SPIRE2: variants seen among roughly 807,000 people sequenced by gnomAD.
SPIRE2 encodes the protein protein spire homolog 2.
SPIRE2 carries 76 observed loss-of-function variants against 80.7 expected under a neutral mutation model. That is an observed-to-expected ratio of 0.94 (90% CI 0.78 to 1.14). The LOEUF is 1.14. SPIRE2 is among the 50% of genes most tolerant of loss of function. SPIRE2 has a pLI of 0.00. For synonymous variants in SPIRE2, 535 were observed against 432.6 expected (o/e 1.24, Z -2.94); for missense variants, 1,196 against 1,015.3 (o/e 1.18, Z -2.42).
intron 1 of SPIRE2, among the ~76,000 whole-genome samples, chr16:89,843,824 C>T (rs1386036197): frequency 8.5e-6 from 1 of 117,618 alleles, no homozygotes; most frequent in Non-Finnish European, 1.8e-5. Context: ...CTCAGTCTCC[C>T]GAGTAGCTAG....
At chr16:89,837,388 C>T (rs1188074398) in intron 1 of SPIRE2, among the ~76,000 whole-genome samples, 1 of 152,202 alleles carries the variant, frequency 6.6e-6, no homozygotes, top group East Asian at 1.9e-4. Flanking sequence ...GTCAGTTCCT[C>T]ACCCTCTCTG....
At chr16:89,844,832 C>T (rs763744267) in intron 1 of SPIRE2, among the ~76,000 whole-genome samples, 35 of 152,338 alleles carry the variant, frequency 2.3e-4, no homozygotes, top group Non-Finnish European at 2.2e-4. Context: ...GCTCTCCCAC[C>T]TCGGCATCTC....
chr16:89,828,637 G>A lies in SPIRE2; in HGVS notation c.87G>A (p.Lys29=). The A allele has an allele frequency of 7.4e-7, 1 of 1,354,622 alleles. No individual in the cohort carries two copies. The highest frequency in any genetic ancestry group is 9.6e-7 in the Non-Finnish European group (1 of 1,042,774). 83.9% of individuals were successfully genotyped at this position (1,354,622 alleles called of 1,614,324 possible). A position where few individuals can be genotyped will look rare whatever the true frequency, so the allele number is the denominator to read the frequency against. The change falls in exon 1 of 15, where the codon AAG becomes AAA. Residue 29 remains lysine, a synonymous_variant. Coordinates refer to ENST00000378247, the MANE Select transcript of SPIRE2 (RefSeq NM_032451.2). The surrounding 1 kb of genome is among the most constrained non-coding windows in gnomAD (Gnocchi z 5.9). The part of the protein sequence containing the change: ...PWELSLEEVL[K]AYEQPLNEEQ... ...AGCTGTCCCTGGAGGAGGTGCTGAA[G>A]GCCTACGAGCAGCCGCTCAACGAGG...
At chr16:89,861,659 A>G (rs970359991) in intron 10 of SPIRE2, among the ~76,000 whole-genome samples, 2 of 152,214 alleles carry the variant, frequency 1.3e-5, no homozygotes, top group Non-Finnish European at 2.9e-5. Context: ...CTGTGTGGCC[A>G]TGGCTCAGGG....
chr16:89,846,247 C>G (rs2041558460), intron 2 of SPIRE2: 1 of 151,926 alleles, frequency 6.6e-6, no homozygotes, highest in Non-Finnish European at 1.5e-5. Flanking sequence ...GGACTAGTCT[C>G]AAACTCCTGG....
chr16:89,838,815 T>G (rs1213672980), intron 1 of SPIRE2, among the ~76,000 whole-genome samples: 1 of 152,124 alleles, frequency 6.6e-6, no homozygotes. Flanking sequence ...ACTCAGGGGC[T>G]CCCCTCTCTT....
Position 89,870,278 on chromosome 16 carries a change from C to T in SPIRE2, c.*6C>T. On this transcript the variant is annotated 3_prime_UTR_variant, in exon 15 of 15. Transcript: ENST00000378247. ...GGACTCTTGACTTCAAGTGACAGCCCCAGGTGGCCAGGCCTCCAGGAGGCA... is the reference window on the plus strand; with the variant it reads ...GGACTCTTGACTTCAAGTGACAGCCTCAGGTGGCCAGGCCTCCAGGAGGCA... 1 of 1,577,628 alleles carries T rather than the reference C, an allele frequency of 6.3e-7. No individual in the cohort carries two copies.
Position 89,863,944 on chromosome 16 carries a change from G to A in SPIRE2, c.1778+83G>A, listed in dbSNP as rs2041767078. On this transcript the variant is annotated intron_variant, in intron 12 of 14. Transcript: ENST00000378247. The surrounding 1 kb of genome is among the most constrained non-coding windows in gnomAD (Gnocchi z 4.3). Reference sequence around the variant, plus strand: ...GGCAGTACCGCCCACAGAACTTCCTGTGATTCCAGGAATGTTCTAGCATGT... The same window carrying A: ...GGCAGTACCGCCCACAGAACTTCCTATGATTCCAGGAATGTTCTAGCATGT... 6 of 1,022,440 alleles carry A rather than the reference G, an allele frequency of 5.9e-6. No individual in the cohort carries two copies. The East Asian group carries it at 1.4e-4, about 24-fold the overall frequency. 63.3% of individuals were successfully genotyped at this position (1,022,440 alleles called of 1,614,324 possible).
chr16:89,869,053 A>AAAAAAAAAAAATATATATATATATAT, intron 13 of SPIRE2, among the ~76,000 whole-genome samples: 1 of 24,030 alleles, frequency 4.2e-5, no homozygotes, highest in African/African-American at 1.6e-4. Context: ...AAAAAAAAAA[A>AAAAAAAAAAAATATATATATATATAT]ATATATATAT....
intron 2 of SPIRE2, chr16:89,845,861 TTTTC>T (rs1041986189): frequency 2.0e-4 from 105 of 526,824 alleles, no homozygotes; most frequent in African/African-American, 1.5e-3. Flanking sequence ...GCCTTTTTAG[TTTTC>T]TTTCTTTGTT....
Position 89,828,554 on chromosome 16 carries a change from G to T in SPIRE2, c.4G>T (p.Ala2Ser). The change falls in exon 1 of 15, where the codon GCC becomes TCC. Residue 2 changes from alanine (A) to serine (S), a missense_variant. By Grantham distance (99) the Ala-to-Ser change is moderately conservative. Transcript: ENST00000378247. The surrounding 1 kb of genome is among the most constrained non-coding windows in gnomAD (Gnocchi z 5.9). M[A>S]RAGSCGGAAA... ...GGGAGGCGATGACGGCCCCGCCATGGCCCGGGCGGGCAGCTGCGGCGGCGC... is the reference window on the plus strand; with the variant it reads ...GGGAGGCGATGACGGCCCCGCCATGTCCCGGGCGGGCAGCTGCGGCGGCGC... 1 of 1,123,898 alleles carries T rather than the reference G, an allele frequency of 8.9e-7. No homozygotes were observed. The highest frequency in any genetic ancestry group is 5.0e-5 in the East Asian group (1 of 19,866). 69.6% of individuals were successfully genotyped at this position (1,123,898 alleles called of 1,614,324 possible).
intron 12 of SPIRE2, among the ~76,000 whole-genome samples, chr16:89,866,019 C>T (rs1233265396): frequency 6.8e-6 from 1 of 146,352 alleles, no homozygotes; most frequent in Non-Finnish European, 1.5e-5. Context: ...TATGGTAGCT[C>T]ATGCCTATAA....
chr16:89,866,456 C>T (rs1195005603), intron 12 of SPIRE2, among the ~76,000 whole-genome samples: 1 of 152,108 alleles, frequency 6.6e-6, no homozygotes, highest in East Asian at 1.9e-4. Flanking sequence ...TGCCACCACA[C>T]TTGCTAATTT....
At position 89,863,415 on chromosome 16, in the gene SPIRE2, A is replaced by C; in HGVS notation, c.1576-61A>C. 6.3e-7 allele frequency: 1 copy of C among 1,599,068 alleles called. No individual in the cohort carries two copies. Among genetic ancestry groups the C allele is most frequent in the Non-Finnish European group, 8.5e-7 (1 of 1,170,100 alleles). ...CAGGGAGGGTTAGGGTCCTCAGGGA[A>C]GGAGAGTAAGCTAGGGGAGCCTCCT... On this transcript the variant is annotated intron_variant, in intron 10 of 14. Transcript: ENST00000378247. The surrounding 1 kb of genome is among the most constrained non-coding windows in gnomAD (Gnocchi z 4.3).
chr16:89,844,914 C>T (rs983352364), intron 1 of SPIRE2, among the ~76,000 whole-genome samples: 3 of 152,228 alleles, frequency 2.0e-5, no homozygotes, highest in Non-Finnish European at 4.4e-5. Flanking sequence ...TTCACTCTTA[C>T]TCCCAGCCAT....
At position 89,855,673 on chromosome 16, in the gene SPIRE2, C is replaced by T. The variant is rs1183621034; in HGVS notation, c.965C>T (p.Pro322Leu). 2.5e-6 allele frequency: 4 copies of T among 1,612,730 alleles called. No individual in the cohort carries two copies. The highest frequency in any genetic ancestry group is 2.5e-6 in the Non-Finnish European group (3 of 1,179,950). Residue 322 changes from proline (P) to leucine (L), a missense_variant, in exon 6 of 15, where the codon CCT becomes CTT. Transcript: ENST00000378247. ...ELILDFIRSR[P>L]PLKQVSERRL... is the part of the protein sequence containing the mutation. ...ATCCTGGACTTTATCCGCTCACGGCCTCCACTGAAGCAGGTGCTGCCCCAG... is the reference window on the plus strand; with the variant it reads ...ATCCTGGACTTTATCCGCTCACGGCTTCCACTGAAGCAGGTGCTGCCCCAG...
intron 2 of SPIRE2, among the ~76,000 whole-genome samples, chr16:89,848,109 C>T (rs964188119): frequency 1.3e-5 from 2 of 152,236 alleles, no homozygotes; most frequent in East Asian, 1.9e-4. Context: ...CCTGCCCTTC[C>T]CTCTGGGAAT....
intron 3 of SPIRE2, among the ~76,000 whole-genome samples, chr16:89,851,474 C>T: frequency 6.6e-6 from 1 of 152,142 alleles, no homozygotes; most frequent in East Asian, 1.9e-4. Context: ...GGAGGGGTCA[C>T]TTGACAGATG....
chr16:89,832,359 T>A (rs902313469), intron 1 of SPIRE2, among the ~76,000 whole-genome samples: 2 of 152,256 alleles, frequency 1.3e-5, no homozygotes, highest in East Asian at 3.8e-4. Context: ...AATAGCAGTC[T>A]GCAAACGTGT....
Sources: allele counts gnomAD v4.1 joint callset (sites outside exome capture counted in the v4.1 genomes callset), GRCh38; gene constraint gnomAD v4.1.1; non-coding constraint Gnocchi (gnomAD v3.1); transcripts MANE v1.5; gene names NCBI Gene and HGNC (gene_info 2026-07-23, HGNC 2026-07-21).